The following TRIM55 variants were observed in gnomAD, a reference collection of about 807,000 sequenced individuals.
TRIM55 encodes the protein tripartite motif-containing protein 55.
In TRIM55, 50 loss-of-function variants were observed where a neutral mutation model predicts 60.9. The observed-to-expected ratio is 0.82, with a 90% CI of 0.65 to 1.04. The LOEUF (loss-of-function observed/expected upper bound fraction) is 1.04. Ranked by LOEUF, TRIM55 falls within the 50% of genes least tolerant of loss-of-function variation. The pLI, the probability that TRIM55 is intolerant of heterozygous loss-of-function variation, is 0.00. For synonymous variants in TRIM55, 237 were observed against 238.1 expected, an observed-to-expected ratio of 1.00 and a Z score of 0.04; for missense variants, 681 against 666.9, an observed-to-expected ratio of 1.02 and a Z score of -0.23.
intron 9 of TRIM55, among the ~76,000 whole-genome samples, chr8:66,156,482 A>G (rs1035554917): frequency 1.3e-5 from 2 of 152,102 alleles, no homozygotes; most frequent in African/African-American, 2.4e-5. Context: ...GATTGCTGTT[A>G]TGAGGTTTGC....
At chr8:66,154,480 A>G (rs935041358) in intron 9 of TRIM55, 146 bp downstream of exon 9, 11 of 893,720 alleles carry the variant, frequency 1.2e-5, no homozygotes, top group African/African-American at 6.8e-5. Context: ...TCATCCCCCA[A>G]TGTTGGCTTG....
chr8:66,149,253 A>C (rs543069242), intron 4 of TRIM55, among the ~76,000 whole-genome samples: 87 of 152,282 alleles, frequency 5.7e-4, no homozygotes, highest in African/African-American at 1.9e-3. Flanking sequence ...CAAACCAGGA[A>C]GTATCATAGT....
At chr8:66,115,545 C>T in the TRIM55 span, among the ~76,000 whole-genome samples, 1 of 152,166 alleles carries the variant, frequency 6.6e-6, no homozygotes, top group South Asian at 2.1e-4. Context: ...AGTAATGCGC[C>T]CAAAACCCAG....
At chr8:66,141,601 A>T (rs1809820791) in intron 4 of TRIM55, among the ~76,000 whole-genome samples, 1 of 152,238 alleles carries the variant, frequency 6.6e-6, no homozygotes, top group South Asian at 2.1e-4. Context: ...GAACTTTACC[A>T]GTGGAACTTA....
upstream of TRIM55, among the ~76,000 whole-genome samples, chr8:66,124,907 T>C (rs947385510): frequency 2.0e-5 from 3 of 152,216 alleles, no homozygotes; most frequent in Admixed American, 6.5e-5. Context: ...TCTGCTCACC[T>C]GAGACAAATG....
At chr8:66,165,125 T>A (rs1811256307) in intron 9 of TRIM55, among the ~76,000 whole-genome samples, 1 of 152,154 alleles carries the variant, frequency 6.6e-6, no homozygotes, top group South Asian at 2.1e-4. Context: ...GCCTTTCACA[T>A]CACTCAAGGT....
the TRIM55 span, among the ~76,000 whole-genome samples, chr8:66,117,344 C>T: frequency 3.9e-5 from 6 of 152,308 alleles, no homozygotes; most frequent in Non-Finnish European, 7.4e-5. Flanking sequence ...TGTCTCTGTA[C>T]GCACATCTAA....
chr8:66,167,509 C>G (rs1402818604), intron 9 of TRIM55, among the ~76,000 whole-genome samples: 1 of 152,214 alleles, frequency 6.6e-6, no homozygotes, highest in African/African-American at 2.4e-5. Flanking sequence ...CTGATCCCAT[C>G]AATTCCTGGA....
At chr8:66,134,373 C>G (rs902659911) in intron 2 of TRIM55, among the ~76,000 whole-genome samples, 1 of 152,172 alleles carries the variant, frequency 6.6e-6, no homozygotes, top group African/African-American at 2.4e-5. Flanking sequence ...TGCATCCAAC[C>G]AGTACTTGAA....
chr8:66,153,901 G>T (rs1810578052), intron 8 of TRIM55, 146 bp from the exon 9 acceptor site: 1 of 708,186 alleles, frequency 1.4e-6, no homozygotes, highest in African/African-American at 1.8e-5. Context: ...GCTTCTGGAG[G>T]GTGGGATGAA....
intron 9 of TRIM55, among the ~76,000 whole-genome samples, chr8:66,157,335 G>A (rs1235846022): frequency 2.0e-5 from 3 of 152,180 alleles, no homozygotes; most frequent in South Asian, 4.1e-4. Context: ...TGTTCATGAT[G>A]GAGTACTACT....
chr8:66,159,131 T>C (rs933594853), intron 9 of TRIM55, among the ~76,000 whole-genome samples: 11 of 152,244 alleles, frequency 7.2e-5, no homozygotes. Context: ...CCACCACAGT[T>C]AAGATGTAGA....
intron 3 of TRIM55, 34 bp downstream of exon 3, chr8:66,135,189 TC>T: frequency 6.3e-7 from 1 of 1,576,376 alleles, no homozygotes; most frequent in Non-Finnish European, 8.7e-7. Flanking sequence ...CCGCAACCCC[TC>T]CCCATCCCCA....
chr8:66,128,816 T>C (rs1187700388), intron 2 of TRIM55, among the ~76,000 whole-genome samples: 1 of 152,132 alleles, frequency 6.6e-6, no homozygotes, highest in African/African-American at 2.4e-5. Flanking sequence ...CACAGGCACT[T>C]TGTAGCTCCA....
At chr8:66,168,511 C>T (rs1811446313) in intron 9 of TRIM55, among the ~76,000 whole-genome samples, 1 of 152,242 alleles carries the variant, frequency 6.6e-6, no homozygotes, top group Non-Finnish European at 1.5e-5. Context: ...TTCTCTGACC[C>T]AGCCTAGCAG....
the TRIM55 span, among the ~76,000 whole-genome samples, chr8:66,120,353 T>A: frequency 6.6e-6 from 1 of 152,140 alleles, no homozygotes; most frequent in Non-Finnish European, 1.5e-5. Context: ...GTGACAGACA[T>A]GCCTTTGTTA....
intron 4 of TRIM55, among the ~76,000 whole-genome samples, chr8:66,140,693 CCTTGG>C (rs1809756911): frequency 1.3e-5 from 2 of 152,220 alleles, no homozygotes; most frequent in African/African-American, 4.8e-5. Flanking sequence ...CAAACCAGGT[CCTTGG>C]CTTGCAGTGA....
intron 9 of TRIM55, 80 bp downstream of exon 9, chr8:66,154,414 A>C: frequency 6.8e-7 from 1 of 1,475,738 alleles, no homozygotes; most frequent in Non-Finnish European, 9.1e-7. Flanking sequence ...AAGAAGAAAA[A>C]GGGTTTTCAA....
At chr8:66,132,672 T>G (rs968834981) in intron 2 of TRIM55, among the ~76,000 whole-genome samples, 2 of 152,162 alleles carry the variant, frequency 1.3e-5, no homozygotes, top group African/African-American at 4.8e-5. Flanking sequence ...TGCTCTCACC[T>G]CATAAACATG....
Sources: allele counts gnomAD v4.1 joint callset (sites outside exome capture counted in the v4.1 genomes callset), GRCh38; gene constraint gnomAD v4.1.1; transcripts MANE v1.5; gene names NCBI Gene and HGNC (gene_info 2026-07-23, HGNC 2026-07-21).